Variants in PDE4D observed in about 807,000 individuals in gnomAD.
The protein encoded by PDE4D is phosphodiesterase 4D, also known as 3',5'-cyclic-AMP phosphodiesterase 4D.
Under a neutral mutation model 87.4 loss-of-function variants are expected in PDE4D, and 24 were observed. The observed-to-expected ratio is 0.27, with a 90% CI of 0.20 to 0.39. PDE4D has a LOEUF of 0.39. Among genes scored for constraint, PDE4D ranks in the 10% least tolerant of loss-of-function variants. PDE4D has a pLI of 1.00. For synonymous variants in PDE4D, 384 were observed against 383.2 expected, an observed-to-expected ratio of 1.00 and a Z score of -0.02; for missense variants, 714 against 1,041.0, an observed-to-expected ratio of 0.69 and a Z score of 4.32.
At chr5:60,025,742 A>T (rs576798722) in intron 2 of PDE4D, among the ~76,000 whole-genome samples, 23 of 152,208 alleles carry the variant, frequency 1.5e-4, no homozygotes, top group African/African-American at 5.5e-4. Flanking sequence ...TAACAAAGAC[A>T]TCATGATTTA....
chr5:59,078,017 G>C (rs1050810192), intron 5 of PDE4D, among the ~76,000 whole-genome samples: 2 of 152,088 alleles, frequency 1.3e-5, no homozygotes, highest in Non-Finnish European at 2.9e-5. Context: ...TGAATATTCT[G>C]TGCTCCAGAA....
intron 1 of PDE4D, among the ~76,000 whole-genome samples, chr5:59,521,952 T>C (rs576222892): frequency 6.6e-6 from 1 of 152,338 alleles, no homozygotes; most frequent in Non-Finnish European, 1.5e-5. Context: ...TAGCCGACAA[T>C]TATTGAGAAT....
At chr5:59,053,652 T>TG (rs1761911047) in intron 5 of PDE4D, among the ~76,000 whole-genome samples, 1 of 65,008 alleles carries the variant, frequency 1.5e-5, no homozygotes, top group African/African-American at 7.1e-5. Flanking sequence ...TTTGTTTTTT[T>TG]TTGTTGTTGT....
At chr5:59,156,309 GA>G (rs138297866) in intron 5 of PDE4D, among the ~76,000 whole-genome samples, 647 of 52,740 alleles carry the variant, frequency 0.012, 6 homozygotes, top group African/African-American at 0.047. Flanking sequence ...AGACTTGCCA[GA>G]AAAAAAAAAA....
intron 5 of PDE4D, among the ~76,000 whole-genome samples, chr5:59,066,568 A>C (rs1763969931): frequency 6.6e-6 from 1 of 152,106 alleles, no homozygotes; most frequent in Non-Finnish European, 1.5e-5. Context: ...CTAGCAAAGG[A>C]AGTTGGTCAT....
At chr5:60,337,351 C>CAAACAA (rs1491477498) in intron 1 of PDE4D, among the ~76,000 whole-genome samples, 3 of 62,230 alleles carry the variant, frequency 4.8e-5, no homozygotes, top group Non-Finnish European at 1.0e-4. Flanking sequence ...AACAAACAAA[C>CAAACAA]TATATATATA....
intron 1 of PDE4D, among the ~76,000 whole-genome samples, chr5:60,406,632 T>C (rs1345596305): frequency 1.3e-5 from 2 of 152,198 alleles, no homozygotes; most frequent in Non-Finnish European, 2.9e-5. Context: ...CTTTGATTAT[T>C]GTGTAGGAGT....
intron 1 of PDE4D, among the ~76,000 whole-genome samples, chr5:59,493,231 A>G (rs1806546714): frequency 6.6e-6 from 1 of 152,114 alleles, no homozygotes; most frequent in Non-Finnish European, 1.5e-5. Flanking sequence ...AAGAATGAAA[A>G]CCTCTTATTT....
intron 5 of PDE4D, among the ~76,000 whole-genome samples, chr5:59,106,813 A>C (rs115144803): frequency 1.3e-4 from 20 of 152,332 alleles, no homozygotes; most frequent in African/African-American, 4.8e-4. Context: ...TTAAATATAT[A>C]CTACTTTGGA....
chr5:59,633,097 G>T (rs1180000557), intron 1 of PDE4D, among the ~76,000 whole-genome samples: 1 of 152,072 alleles, frequency 6.6e-6, no homozygotes, highest in East Asian at 1.9e-4. Context: ...GCTTACCACA[G>T]TATCAATAGC....
At chr5:59,728,518 A>G (rs2150590267) in intron 1 of PDE4D, among the ~76,000 whole-genome samples, 1 of 152,192 alleles carries the variant, frequency 6.6e-6, no homozygotes, top group African/African-American at 2.4e-5. Flanking sequence ...GGTGGGGCAA[A>G]GCCAGCTGCT....
intron 1 of PDE4D, among the ~76,000 whole-genome samples, chr5:59,429,873 G>A (rs1282557053): frequency 1.3e-5 from 2 of 152,240 alleles, no homozygotes; most frequent in Admixed American, 1.3e-4. Flanking sequence ...TGTTTTTGTA[G>A]AATTATAACT....
intron 1 of PDE4D, among the ~76,000 whole-genome samples, chr5:59,413,945 T>C (rs930460257): frequency 4.6e-5 from 7 of 152,126 alleles, no homozygotes; most frequent in Admixed American, 1.3e-4. Flanking sequence ...CACACACACA[T>C]ATATATATCT....
At chr5:60,257,052 A>C (rs1164234179) in intron 1 of PDE4D, among the ~76,000 whole-genome samples, 2 of 151,916 alleles carry the variant, frequency 1.3e-5, no homozygotes, top group Non-Finnish European at 2.9e-5. Context: ...AAATATATAC[A>C]ATTTGTATAT....
intron 3 of PDE4D, among the ~76,000 whole-genome samples, chr5:59,917,855 TATAAAA>T (rs1422278025): frequency 6.6e-6 from 1 of 152,124 alleles, no homozygotes; most frequent in African/African-American, 2.4e-5. Flanking sequence ...GATTTTGTTA[TATAAAA>T]ATAGATTGTT....
In PDE4D at chr5:60,342,701, A is replaced by G. The variant is rs531525070; in HGVS notation, c.-90+145241T>C. 2.1e-3 allele frequency among the ~76,000 whole-genome samples: 313 copies of G among 152,322 alleles called. 2 individuals are homozygous for G. Among genetic ancestry groups the G allele is most frequent in the African/African-American group, 7.1e-3 (295 of 41,572 alleles). ...GGATAATCGGAAAACCAATGAAAAA[A>G]AAAAGACTGACAATATTCCAAAACT... On this transcript the variant is annotated intron_variant, in intron 1 of 16. Transcript: ENST00000502484.
intron 5 of PDE4D, among the ~76,000 whole-genome samples, chr5:59,148,334 T>C (rs2153458637): frequency 6.6e-6 from 1 of 152,314 alleles, no homozygotes; most frequent in South Asian, 2.1e-4. Context: ...TTGAGAGGAC[T>C]TTTCATTTTT....
intron 1 of PDE4D, among the ~76,000 whole-genome samples, chr5:59,726,963 G>A (rs1350696752): frequency 2.0e-5 from 3 of 151,972 alleles, no homozygotes; most frequent in African/African-American, 4.8e-5. Context: ...ACTAAGCACC[G>A]ATATACAAAG....
intron 1 of PDE4D, among the ~76,000 whole-genome samples, chr5:59,324,408 G>T (rs542187437): frequency 6.6e-6 from 1 of 152,256 alleles, no homozygotes; most frequent in African/African-American, 2.4e-5. Context: ...AGGGAAACCT[G>T]ATTGTCTCAG....
Sources: allele counts gnomAD v4.1 joint callset (sites outside exome capture counted in the v4.1 genomes callset), GRCh38; gene constraint gnomAD v4.1.1; transcripts MANE v1.5; gene names NCBI Gene and HGNC (gene_info 2026-07-23, HGNC 2026-07-21).